Variants in ATP2B4 observed in about 807,000 individuals in gnomAD.
ATP2B4 encodes plasma membrane calcium-transporting ATPase 4.
A neutral mutation model predicts 110.3 loss-of-function variants in ATP2B4; 39 were observed. That is an observed-to-expected ratio of 0.35 (90% CI 0.27 to 0.46). The LOEUF (loss-of-function observed/expected upper bound fraction) is 0.46. Among genes scored for constraint, ATP2B4 ranks in the 20% least tolerant of loss-of-function variants. ATP2B4 has a pLI of 1.00. For synonymous variants in ATP2B4, 538 were observed against 571.7 expected (o/e 0.94, Z 0.84); for missense variants, 1,135 against 1,530.9 (o/e 0.74, Z 4.32).
rs766264403 is a variant in ATP2B4, at chr1:203,713,179, G to T, written c.2226G>T (p.Lys742Asn). ...GGTGTTGGCAGGTAGAGCAAGAAAA[G>T]CTGGACAAGATCTGGCCTAAGCTTC... ...RNEKGEVEQE[K>N]LDKIWPKLRV... Residue 742 changes from lysine to asparagine, a missense_variant, in exon 14 of 21, where the codon AAG becomes AAT. Transcript: ENST00000357681. 1.2e-6 allele frequency: 2 copies of T among 1,614,074 alleles called. No individual in the cohort carries two copies. The highest frequency in any genetic ancestry group is 4.5e-5 in the East Asian group (2 of 44,888).
At chr1:203,722,710 G>A in intron 18 of ATP2B4, 21 bp downstream of exon 18, 1 of 1,611,012 alleles carries the variant, frequency 6.2e-7, no homozygotes, top group African/African-American at 1.3e-5. Flanking sequence ...ATCTGCAGTT[G>A]GGGCAGGAGA....
Position 203,714,149 on chromosome 1 carries a change from G to A in ATP2B4, c.2300-22G>A, listed in dbSNP as rs775437344. The stretch of plus-strand genomic sequence containing the variant: ...GTGGGGGAGACCAGAAAAGCTCACT[G>A]TGGTGTGTCTGTTTCTCCCAGGCAT... On this transcript the variant is annotated intron_variant, in intron 14 of 20. Transcript: ENST00000357681. 22 of 1,611,318 alleles carry A rather than the reference G, an allele frequency of 1.4e-5. No individual in the cohort carries two copies. In the East Asian group the frequency reaches 4.2e-4, roughly 31 times the overall value.
chr1:203,668,406 G>GT (rs1170469644), intron 1 of ATP2B4, among the ~76,000 whole-genome samples: 2 of 151,900 alleles, frequency 1.3e-5, no homozygotes, highest in East Asian at 1.9e-4. Context: ...GTTTTGTTTT[G>GT]TTTTTTTCAT....
intron 1 of ATP2B4, among the ~76,000 whole-genome samples, chr1:203,652,402 T>C (rs1296346478): frequency 6.6e-6 from 1 of 152,100 alleles, no homozygotes; most frequent in Non-Finnish European, 1.5e-5. Context: ...CACCTCGGCC[T>C]CCCAAAGTGC....
intron 20 of ATP2B4, among the ~76,000 whole-genome samples, chr1:203,730,216 A>G (rs1666660432): frequency 6.7e-6 from 1 of 149,568 alleles, no homozygotes; most frequent in Middle Eastern, 3.4e-3. Flanking sequence ...GGGATGTTAT[A>G]TGAAGAGCTG....
At chr1:203,664,188 C>T (rs1342352106) in intron 1 of ATP2B4, among the ~76,000 whole-genome samples, 1 of 152,192 alleles carries the variant, frequency 6.6e-6, no homozygotes, top group Admixed American at 6.5e-5. Context: ...TTTACTTAGT[C>T]TTGCTGACAC....
rs200430665 is a variant in ATP2B4 at position 203,703,711 on chromosome 1, G to A, written c.997G>A (p.Asp333Asn). Residue 333 changes from aspartate (D) to asparagine (N), a missense_variant, in exon 8 of 21, where the codon GAC becomes AAC. Coordinates refer to ENST00000357681, the MANE Select transcript of ATP2B4 (RefSeq NM_001684.5). ...IQPLNSQEGI[D>N]NEEKDKKAVK... ...GCCACTCAACAGCCAGGAGGGAATCGACAATGAGGAAAAGGACAAGAAGGC... is the reference window on the plus strand; with the variant it reads ...GCCACTCAACAGCCAGGAGGGAATCAACAATGAGGAAAAGGACAAGAAGGC... 3 of 1,614,104 alleles carry A rather than the reference G, an allele frequency of 1.9e-6. No individual in the cohort carries two copies. In the Admixed American group the frequency reaches 5.0e-5, roughly 27 times the overall value.
chr1:203,669,837 G>T (rs1664608905), intron 1 of ATP2B4, among the ~76,000 whole-genome samples: 1 of 152,252 alleles, frequency 6.6e-6, no homozygotes, highest in Non-Finnish European at 1.5e-5. Context: ...GGTTAGGCCA[G>T]GCTCTGGAGC....
Position 203,707,965 on chromosome 1 carries a change from A to G in ATP2B4, c.1418A>G (p.Asn473Ser), listed in dbSNP as rs1571746831. 2 of 1,614,210 alleles carry G rather than the reference A, an allele frequency of 1.2e-6. No individual in the cohort carries two copies. Among genetic ancestry groups the G allele is most frequent in the Non-Finnish European group, 1.7e-6 (2 of 1,180,036 alleles). Reference sequence around the variant, plus strand: ...GATAAGACAGGCACGTTGACCATGAACCGCATGACTGTGGTACAAGCTTAT... The same window carrying G: ...GATAAGACAGGCACGTTGACCATGAGCCGCATGACTGTGGTACAAGCTTAT... ...CSDKTGTLTM[N>S]RMTVVQAYIG... The change falls in exon 10 of 21, where the codon AAC becomes AGC. Residue 473 changes from asparagine (N) to serine (S), a missense_variant. By Grantham distance (46) the Asn-to-Ser change is conservative (BLOSUM62 1). Transcript: ENST00000357681.
intron 1 of ATP2B4, among the ~76,000 whole-genome samples, chr1:203,681,935 GA>G (rs58655327): frequency 2.7e-5 from 4 of 148,756 alleles, no homozygotes; most frequent in African/African-American, 5.0e-5. Context: ...CCCTTTACTA[GA>G]AAAAAAAAAA....
intron 20 of ATP2B4, among the ~76,000 whole-genome samples, chr1:203,734,033 C>T (rs1467722134): frequency 1.3e-5 from 2 of 152,182 alleles, no homozygotes; most frequent in Non-Finnish European, 2.9e-5. Flanking sequence ...TGGCTGGGCA[C>T]GATGGCTCAC....
chr1:203,673,872 G>C (rs979735531), intron 1 of ATP2B4, among the ~76,000 whole-genome samples: 1 of 152,116 alleles, frequency 6.6e-6, no homozygotes, highest in African/African-American at 2.4e-5. Context: ...ACCAGGTCCC[G>C]ACCCGGTAGC....
At chr1:203,645,409 A>G (rs1463170587) in intron 1 of ATP2B4, among the ~76,000 whole-genome samples, 2 of 152,134 alleles carry the variant, frequency 1.3e-5, no homozygotes, top group African/African-American at 2.4e-5. Flanking sequence ...TTCTTCTGCT[A>G]GTTGCTTTAT....
chr1:203,637,444 A>AG (rs1267623880), intron 1 of ATP2B4, among the ~76,000 whole-genome samples: 1 of 151,870 alleles, frequency 6.6e-6, no homozygotes, highest in Non-Finnish European at 1.5e-5. Context: ...TCAAAAAAAA[A>AG]AAAAAAAAAA....
chr1:203,649,947 C>T (rs1040311693), intron 1 of ATP2B4, among the ~76,000 whole-genome samples: 1 of 152,196 alleles, frequency 6.6e-6, no homozygotes, highest in African/African-American at 2.4e-5. Flanking sequence ...TCCAGGTTAC[C>T]TCCCCTTCTT....
At chr1:203,730,517 G>C (rs1666674030) in intron 20 of ATP2B4, among the ~76,000 whole-genome samples, 1 of 152,106 alleles carries the variant, frequency 6.6e-6, no homozygotes, top group African/African-American at 2.4e-5. Flanking sequence ...AAAATAACCT[G>C]TCTTTGCTTT....
At chr1:203,668,607 T>G (rs1043132182) in intron 1 of ATP2B4, among the ~76,000 whole-genome samples, 1 of 152,188 alleles carries the variant, frequency 6.6e-6, no homozygotes, top group Admixed American at 6.5e-5. Context: ...GAATGCAGAT[T>G]GGCTCATGGA....
intron 8 of ATP2B4, 141 bp from the exon 9 acceptor site, chr1:203,706,866 TGG>T: frequency 1.5e-6 from 1 of 670,874 alleles, no homozygotes; most frequent in Non-Finnish European, 2.6e-6. Context: ...CAACAGAGAA[TGG>T]GGGGGATTTT....
chr1:203,700,347 GCCCAAGTTC>G lies in ATP2B4; in HGVS notation c.775+19_775+27del, dbSNP rs1383902290. 6.2e-7 allele frequency: 1 copy of G among 1,603,390 alleles called. No homozygotes were observed. Among genetic ancestry groups the G allele is most frequent in the African/African-American group, 1.3e-5 (1 of 74,488 alleles). On this transcript the variant is annotated intron_variant, in intron 5 of 20. Coordinates refer to ENST00000357681, the MANE Select transcript of ATP2B4 (RefSeq NM_001684.5). ...TTGCTCTCAGGTATAGGCCCTGGCTGCCCAAGTTCCCATTTACCTCCCTGCAAACACCTA... is the reference window on the plus strand; with the variant it reads ...TTGCTCTCAGGTATAGGCCCTGGCTGCCATTTACCTCCCTGCAAACACCTA...
Sources: gnomAD v4.1 joint callset for allele counts (sites outside exome capture counted in the v4.1 genomes callset) on GRCh38, gnomAD v4.1.1 for gene constraint, MANE v1.5 for transcripts, NCBI Gene and HGNC (gene_info 2026-07-23, HGNC 2026-07-21) for gene names.